The following RFFL variants were observed in gnomAD, a reference collection of about 807,000 sequenced individuals.
The protein encoded by RFFL is E3 ubiquitin-protein ligase rififylin.
A neutral mutation model predicts 40.4 loss-of-function variants in RFFL; 16 were observed. The observed-to-expected ratio is 0.40, with a 90% confidence interval of 0.27 to 0.60. The LOEUF (loss-of-function observed/expected upper bound fraction) is 0.60. RFFL is among the 20% of genes least tolerant of loss of function. The pLI is 0.47. For missense variants in RFFL, 367 were observed against 451.7 expected, an observed-to-expected ratio of 0.81 and a Z score of 1.70; for synonymous variants, 154 against 167.9, an observed-to-expected ratio of 0.92 and a Z score of 0.64.
Position 35,009,335 on chromosome 17 carries a change from C to T in RFFL, c.*2633G>A, listed in dbSNP as rs1326378858. On this transcript the variant is annotated 3_prime_UTR_variant, in exon 7 of 7. Transcript: ENST00000394597. Reference sequence around the variant, plus strand: ...CTTATTAGTTTGGATCCAACTATTCCAATGTATTATGAACCAGTCAGCTAT... The same window carrying T: ...CTTATTAGTTTGGATCCAACTATTCTAATGTATTATGAACCAGTCAGCTAT... 1 of 152,104 alleles carries T rather than the reference C, an allele frequency of 6.6e-6. No homozygotes were observed. The highest frequency in any genetic ancestry group is 2.4e-5 in the African/African-American group (1 of 41,386). 9.4% of individuals were successfully genotyped at this position (152,104 alleles called of 1,614,324 possible).
Position 35,012,006 on chromosome 17 carries a change from GC to G in RFFL, c.1053del (p.Gln352SerfsTer3). 1 of 1,614,170 alleles carries G rather than the reference GC, an allele frequency of 6.2e-7. No individual in the cohort carries two copies. On this transcript the variant is annotated frameshift_variant, in exon 7 of 7. Transcript: ENST00000394597. LOFTEE classifies it high-confidence loss of function. ...GKRMNECPIC[R>X]QYVIRAVHVF... ...ACATGCACAGCTCGGATTACATACT[GC>G]CGGCAGATGGGACATTCATTCATGC... is the stretch of plus-strand genomic sequence containing the variant.
Position 35,010,307 on chromosome 17 carries a change from G to GA in RFFL, c.*1660dup, listed in dbSNP as rs2090928300. The GA allele has an allele frequency of 6.6e-6, 1 of 152,194 alleles. No individual in the cohort carries two copies. Among genetic ancestry groups the GA allele is most frequent in the Non-Finnish European group, 1.5e-5 (1 of 68,044 alleles). 9.4% of individuals were successfully genotyped at this position (152,194 alleles called of 1,614,324 possible). On this transcript the variant is annotated 3_prime_UTR_variant, in exon 7 of 7. Coordinates refer to ENST00000394597, the MANE Select transcript of RFFL (RefSeq NM_001017368.2). Reference sequence around the variant, plus strand: ...TGCATAGTTCATCCATTGGTAATGGGAAAACACTCTGCTTTCCTGATCATG... The same window carrying GA: ...TGCATAGTTCATCCATTGGTAATGGGAAAAACACTCTGCTTTCCTGATCATG...
Position 35,016,385 on chromosome 17 carries a change from C to T in RFFL, c.871G>A (p.Gly291Arg). The T allele has an allele frequency of 6.2e-7, 1 of 1,614,150 alleles. No individual in the cohort carries two copies. The change falls in exon 5 of 7, where the codon GGA (glycine) becomes AGA (arginine). Residue 291 changes from glycine to arginine, a missense_variant. By Grantham distance (125) the Gly-to-Arg change is moderately radical (BLOSUM62 -2). Coordinates refer to ENST00000394597, the MANE Select transcript of RFFL (RefSeq NM_001017368.2). ...AGCCCCTCACCCAGGTGCTGGAGTC[C>T]TTTCTGATCCTTGTATAGCCGGGTC... ...RVTRLYKDQK[G>R]LQHLVSGAED...
At chr17:35,050,518 T>C (rs2091225506) in intron 1 of RFFL, among the ~76,000 whole-genome samples, 1 of 152,076 alleles carries the variant, frequency 6.6e-6, no homozygotes, top group African/African-American at 2.4e-5. Context: ...CATGCCACCA[T>C]ACTCAGCTAT....
At chr17:35,078,021 TC>T (rs1169277469) in intron 1 of RFFL, among the ~76,000 whole-genome samples, 1 of 152,202 alleles carries the variant, frequency 6.6e-6, no homozygotes, top group Non-Finnish European at 1.5e-5. Flanking sequence ...CATTTCTCAA[TC>T]TTTTTTTTTA....
At chr17:35,047,813 G>A (rs146561551) in intron 1 of RFFL, among the ~76,000 whole-genome samples, 3,146 of 150,714 alleles carry the variant, frequency 0.021, 86 homozygotes, top group East Asian at 0.086. Flanking sequence ...ATGCAGTGGC[G>A]TGATCTTGGC....
At chr17:35,040,587 A>G (rs1257195477) in intron 1 of RFFL, among the ~76,000 whole-genome samples, 1 of 150,958 alleles carries the variant, frequency 6.6e-6, no homozygotes, top group Non-Finnish European at 1.5e-5. Context: ...TGGGCGACAG[A>G]GCGAGACTCT....
At chr17:35,037,021 G>T (rs553686523) in intron 1 of RFFL, among the ~76,000 whole-genome samples, 1 of 152,278 alleles carries the variant, frequency 6.6e-6, no homozygotes, top group Non-Finnish European at 1.5e-5. Flanking sequence ...TTAATTAACT[G>T]CTCTGTGCAC....
intron 3 of RFFL, among the ~76,000 whole-genome samples, chr17:35,020,924 C>T (rs904922377): frequency 2.0e-5 from 3 of 152,182 alleles, no homozygotes; most frequent in Non-Finnish European, 4.4e-5. Flanking sequence ...TTTCCCCACC[C>T]TCCCTTGCCT....
upstream of RFFL, among the ~76,000 whole-genome samples, chr17:35,067,617 G>A (rs970143244): frequency 4.0e-5 from 6 of 151,324 alleles, no homozygotes; most frequent in Non-Finnish European, 7.4e-5. Context: ...ACCAGGCCTG[G>A]CTAATTTTTG....
upstream of RFFL, among the ~76,000 whole-genome samples, chr17:35,066,278 TATGTG>T (rs2091320833): frequency 6.6e-6 from 1 of 152,216 alleles, no homozygotes; most frequent in South Asian, 2.1e-4. Context: ...TGAACAGACA[TATGTG>T]ATGTCATTGA....
chr17:35,009,688 C>T lies in RFFL; in HGVS notation c.*2280G>A, dbSNP rs1316044714. 2.0e-5 allele frequency: 3 copies of T among 152,040 alleles called. No individual in the cohort carries two copies. In the East Asian group the frequency reaches 5.8e-4, roughly 29 times the overall value. 9.4% of individuals were successfully genotyped at this position (152,040 alleles called of 1,614,324 possible). A position where few individuals can be genotyped will look rare whatever the true frequency, so the allele number is the denominator to read the frequency against. On this transcript the variant is annotated 3_prime_UTR_variant, in exon 7 of 7. Transcript: ENST00000394597. ...TAAAGGCAAAATGAGTAAACAACCT[C>T]AGTTTTAATTCTTACTGAGGTTACT...
chr17:35,083,063 T>G (rs559462686), intron 1 of RFFL, among the ~76,000 whole-genome samples: 2 of 152,370 alleles, frequency 1.3e-5, no homozygotes, highest in African/African-American at 4.8e-5. Flanking sequence ...ACGCACCTAT[T>G]ATTTTCAATA....
chr17:35,016,724 AT>A, intron 4 of RFFL, 144 bp from the exon 5 acceptor site: 1 of 641,524 alleles, frequency 1.6e-6, no homozygotes, highest in Non-Finnish European at 2.7e-6. Flanking sequence ...AGTACCTGGC[AT>A]GGTGCTCTGC....
intron 1 of RFFL, among the ~76,000 whole-genome samples, chr17:35,047,834 C>T (rs1567710135): frequency 6.6e-6 from 1 of 151,842 alleles, no homozygotes; most frequent in Non-Finnish European, 1.5e-5. Context: ...TCACTGCAGC[C>T]TCTGCCTCCC....
At chr17:35,022,145 T>G (rs1228285439) in intron 2 of RFFL, among the ~76,000 whole-genome samples, 2 of 152,220 alleles carry the variant, frequency 1.3e-5, no homozygotes, top group African/African-American at 4.8e-5. Context: ...TCTTGCAGTA[T>G]CACCTTGGGT....
intron 6 of RFFL, among the ~76,000 whole-genome samples, chr17:35,013,379 G>C (rs1432523487): frequency 2.0e-5 from 3 of 152,202 alleles, no homozygotes; most frequent in Non-Finnish European, 4.4e-5. Flanking sequence ...CAGTATCCTA[G>C]TAGAGCTGAC....
intron 1 of RFFL, 22 bp from the exon 2 acceptor site, chr17:35,026,583 G>A: frequency 6.2e-7 from 1 of 1,600,228 alleles, no homozygotes; most frequent in Middle Eastern, 1.7e-4. Flanking sequence ...GAGGAAAGGG[G>A]AAAAGGTCAG....
chr17:35,063,997 A>G (rs958504711), upstream of RFFL: 2 of 152,234 alleles, frequency 1.3e-5, no homozygotes, highest in African/African-American at 4.8e-5. Flanking sequence ...CTAAAATTTC[A>G]TCTGAGAACA....
Sources: allele counts gnomAD v4.1 joint callset (sites outside exome capture counted in the v4.1 genomes callset), GRCh38; gene constraint gnomAD v4.1.1; transcripts MANE v1.5; gene names NCBI Gene and HGNC (gene_info 2026-07-23, HGNC 2026-07-21).